The following MYO7B variants were observed in gnomAD, a reference collection of about 807,000 sequenced individuals.
The protein encoded by MYO7B is myosin VIIB.
MYO7B carries 212 observed loss-of-function variants against 259.7 expected under a neutral mutation model. That is an observed-to-expected ratio of 0.82 (90% CI 0.73 to 0.91). The LOEUF is 0.91. Ranked by LOEUF, MYO7B falls within the 40% of genes least tolerant of loss-of-function variation. The pLI, the probability that MYO7B is intolerant of heterozygous loss-of-function variation, is 0.00. For missense variants in MYO7B, 2,732 were observed against 2,813.5 expected (o/e 0.97, Z 0.66); for synonymous variants, 1,197 against 1,166.4 (o/e 1.03, Z -0.54).
intron 1 of MYO7B, among the ~76,000 whole-genome samples, chr2:127,554,641 G>C (rs912191377): frequency 1.1e-4 from 16 of 152,294 alleles, no homozygotes; most frequent in African/African-American, 3.8e-4. Flanking sequence ...TTGTGGAATA[G>C]TATCAATAGG....
Position 127,612,251 on chromosome 2 carries a change from G to T in MYO7B, c.3194G>T (p.Arg1065Ile), listed in dbSNP as rs1002991826. ...TGCGGGAACTGTCTCCCTCCACAGA[G>T]ATCTGGCTGCAAGGACAAGGGGACC... ...QVPQHSRSAQ[R>I]SGCKDKGTKD... The change falls in exon 25 of 48, where the codon AGA becomes ATA. Residue 1065 changes from arginine (R) to isoleucine (I), a missense_variant and splice_region_variant. By Grantham distance (97) the Arg-to-Ile change is moderately conservative (BLOSUM62 -3). Transcript: ENST00000409816. 4.6e-6 allele frequency: 3 copies of T among 653,828 alleles called. No homozygotes were observed. The highest frequency in any genetic ancestry group is 2.1e-5 in the Admixed American group (1 of 47,496). 40.5% of individuals were successfully genotyped at this position (653,828 alleles called of 1,614,324 possible). A position where few individuals can be genotyped will look rare whatever the true frequency, so the allele number is the denominator to read the frequency against.
rs533974523 is a variant in MYO7B, at chr2:127,544,738, G to A, written c.-24+8907G>A. Among the ~76,000 whole-genome samples, 16 of 152,102 alleles carry A rather than the reference G, an allele frequency of 1.1e-4. No individual in the cohort carries two copies. In the South Asian group the frequency reaches 2.1e-3, roughly 20 times the overall value. ...TGGGACTACAGGCGCCTGCTACCACGCCCAGCTAATTTTTTGTATTTTTAG... is the reference window on the plus strand; with the variant it reads ...TGGGACTACAGGCGCCTGCTACCACACCCAGCTAATTTTTTGTATTTTTAG... On this transcript the variant is annotated intron_variant, in intron 1 of 47. Coordinates refer to ENST00000409816, the MANE Select transcript of MYO7B (RefSeq NM_001393586.1).
intron 5 of MYO7B, among the ~76,000 whole-genome samples, chr2:127,568,746 A>G (rs1232235071): frequency 1.3e-5 from 2 of 151,894 alleles, no homozygotes; most frequent in South Asian, 2.1e-4. Flanking sequence ...AAAATATAAA[A>G]ATTAGCCAGG....
intron 31 of MYO7B, 113 bp downstream of exon 31, chr2:127,625,648 GAAC>G (rs138609177): frequency 6.6e-6 from 8 of 1,213,904 alleles, no homozygotes; most frequent in East Asian, 2.9e-5. Flanking sequence ...ACCCCCTGGG[GAAC>G]AACAAGCCTC....
In MYO7B at chr2:127,636,782, C is replaced by T; in HGVS notation, c.6208-12C>T. On this transcript the variant is annotated splice_polypyrimidine_tract_variant and intron_variant, in intron 46 of 47. Transcript: ENST00000409816. This position sits in a 1 kb window ranked among gnomAD's most constrained non-coding sequence, Gnocchi z 4.5. Reference sequence around the variant, plus strand: ...TGGAGGCGTCCGGCCCACCCACCCTCTCTGCCCCCAGGACCTGCTCACCAC... The same window carrying T: ...TGGAGGCGTCCGGCCCACCCACCCTTTCTGCCCCCAGGACCTGCTCACCAC... 6.2e-7 allele frequency: 1 copy of T among 1,611,490 alleles called. No homozygotes were observed. The highest frequency in any genetic ancestry group is 8.5e-7 in the Non-Finnish European group (1 of 1,178,282).
Position 127,633,243 on chromosome 2 carries a change from C to T in MYO7B, c.5406-15C>T, listed in dbSNP as rs143697660. 1,144 of 1,595,812 alleles carry T rather than the reference C, an allele frequency of 7.2e-4. 12 individuals are homozygous for T. In the East Asian group the frequency reaches 0.017, roughly 24 times the overall value. ...GGGTGGGGGTGGCACCTGCAGCACA[C>T]GCTGTCCCCCTCAGGACGGGGCCCC... On this transcript the variant is annotated splice_polypyrimidine_tract_variant and intron_variant, in intron 39 of 47. Coordinates refer to ENST00000409816, the MANE Select transcript of MYO7B (RefSeq NM_001393586.1).
intron 42 of MYO7B, 70 bp from the exon 43 acceptor site, chr2:127,635,050 G>A (rs997703036): frequency 1.6e-6 from 2 of 1,269,078 alleles, no homozygotes; most frequent in African/African-American, 1.5e-5. Flanking sequence ...GCAGTGTGGG[G>A]GGTGGCAGGG....
chr2:127,569,676 C>G (rs972727865), intron 5 of MYO7B, 113 bp from the exon 6 acceptor site: 10 of 1,353,558 alleles, frequency 7.4e-6, no homozygotes, highest in South Asian at 6.1e-5. Flanking sequence ...AGGGGAGAGG[C>G]CATCCCTGTC....
At position 127,628,327 on chromosome 2, in the gene MYO7B, G is replaced by A. The variant is rs1204417397; in HGVS notation, c.4461-45G>A. ...CGAGGCTGTTTAGGGGCTGGATCAG[G>A]GGAAGGTGGAGGGGGCTCCTGGTCA... On this transcript the variant is annotated intron_variant, in intron 33 of 47. Coordinates refer to ENST00000409816, the MANE Select transcript of MYO7B (RefSeq NM_001393586.1). This position sits in a 1 kb window ranked among gnomAD's most constrained non-coding sequence, Gnocchi z 4.8. 2 of 1,565,234 alleles carry A rather than the reference G, an allele frequency of 1.3e-6. No homozygotes were observed. Among genetic ancestry groups the A allele is most frequent in the Non-Finnish European group, 1.7e-6 (2 of 1,158,468 alleles).
At chr2:127,631,401 G>A (rs2105131749) in intron 37 of MYO7B, 38 bp downstream of exon 37, 1 of 1,585,028 alleles carries the variant, frequency 6.3e-7, no homozygotes, top group Non-Finnish European at 8.6e-7. Context: ...CCTCGTCAAT[G>A]CCAGGGCAGA....
chr2:127,583,284 C>G (rs1483329070), intron 12 of MYO7B, among the ~76,000 whole-genome samples: 1 of 152,204 alleles, frequency 6.6e-6, no homozygotes, highest in African/African-American at 2.4e-5. Context: ...AGAAGGGCCC[C>G]CCTTGGACAG....
At chr2:127,537,362 A>G (rs1474314327) in intron 1 of MYO7B, among the ~76,000 whole-genome samples, 4 of 152,200 alleles carry the variant, frequency 2.6e-5, no homozygotes, top group Non-Finnish European at 4.4e-5. Context: ...GAGTGACTCC[A>G]TTTTGGTCTG....
chr2:127,620,518 C>T (rs968739762), intron 27 of MYO7B, 52 bp downstream of exon 27: 10 of 1,438,952 alleles, frequency 6.9e-6, no homozygotes, highest in South Asian at 4.4e-5. Flanking sequence ...CTGGTGGGAG[C>T]GTAGGTGGCC....
intron 6 of MYO7B, among the ~76,000 whole-genome samples, 193 bp downstream of exon 6, chr2:127,570,103 G>A (rs997430916): frequency 6.6e-6 from 1 of 152,110 alleles, no homozygotes; most frequent in African/African-American, 2.4e-5. Context: ...AAAGACTGAG[G>A]ACTTAATAAA....
chr2:127,634,088 A>T (rs1386259094), intron 40 of MYO7B, 88 bp from the exon 41 acceptor site: 1 of 1,059,192 alleles, frequency 9.4e-7, no homozygotes, highest in Non-Finnish European at 1.4e-6. Flanking sequence ...TTCATGAAGG[A>T]GCAAAAGTGC....
At position 127,584,335 on chromosome 2, in the gene MYO7B, G is replaced by T; in HGVS notation, c.1554+3G>T. ...ACGAAGAAAGCCGCTTCCCGCAGGT[G>T]TGTGTTCGGGCCTGCCGACCTTCTG... On this transcript the variant is annotated splice_donor_region_variant and intron_variant, in intron 13 of 47. Transcript: ENST00000409816. This position sits in a 1 kb window ranked among gnomAD's most constrained non-coding sequence, Gnocchi z 5.8. 1 of 1,613,760 alleles carries T rather than the reference G, an allele frequency of 6.2e-7. No homozygotes were observed. Among genetic ancestry groups the T allele is most frequent in the South Asian group, 1.1e-5 (1 of 91,078 alleles).
intron 42 of MYO7B, 134 bp downstream of exon 42, chr2:127,634,817 G>A: frequency 1.2e-6 from 1 of 867,814 alleles, no homozygotes; most frequent in Non-Finnish European, 1.8e-6. Flanking sequence ...GGAACAACCA[G>A]GCCCTGGGGC....
At position 127,560,546 on chromosome 2, in the gene MYO7B, A is replaced by C. The variant is rs6733422; in HGVS notation, c.18+806A>C. Among the ~76,000 whole-genome samples, 3 of 152,048 alleles carry C rather than the reference A, an allele frequency of 2.0e-5. No individual in the cohort carries two copies. The East Asian group carries it at 5.8e-4, about 29-fold the overall frequency. On this transcript the variant is annotated intron_variant, in intron 2 of 47. Transcript: ENST00000409816. ...GCAGAGGAGTTTTGCATTTACTGTC[A>C]AATCAACAGACCCTGGGGAACTGCC...
intron 4 of MYO7B, among the ~76,000 whole-genome samples, chr2:127,566,177 C>G (rs1313614764): frequency 6.6e-6 from 1 of 152,236 alleles, no homozygotes; most frequent in East Asian, 1.9e-4. Flanking sequence ...TGCCGCACCC[C>G]CTGAGGGGCA....
Sources: gnomAD v4.1 joint callset for allele counts (sites outside exome capture counted in the v4.1 genomes callset) on GRCh38, gnomAD v4.1.1 for gene constraint, Gnocchi (gnomAD v3.1) non-coding constraint, MANE v1.5 for transcripts, NCBI Gene and HGNC (gene_info 2026-07-23, HGNC 2026-07-21) for gene names.